Variants in CPED1 observed in about 807,000 individuals in gnomAD.
CPED1 encodes cadherin-like and PC-esterase domain-containing protein 1.
Under a neutral mutation model 128.2 loss-of-function variants are expected in CPED1, and 114 were observed. The observed-to-expected ratio is 0.89, with a 90% confidence interval of 0.76 to 1.04. The LOEUF (loss-of-function observed/expected upper bound fraction) is 1.04, where lower values mean the gene tolerates loss of function less well. Ranked by LOEUF, CPED1 falls within the 50% of genes least tolerant of loss-of-function variation. The pLI is 0.00. For synonymous variants in CPED1, 462 were observed against 426.7 expected, an observed-to-expected ratio of 1.08 and a Z score of -1.02; for missense variants, 1,211 against 1,207.1, an observed-to-expected ratio of 1.00 and a Z score of -0.05.
rs374493249 is a variant in CPED1, at chr7:121,142,151, G to T, written c.2055+10G>T. On this transcript the variant is annotated intron_variant, in intron 16 of 22. Coordinates refer to ENST00000310396, the MANE Select transcript of CPED1 (RefSeq NM_024913.5). ...ATGTGGTTTTGTGCAGGTAAGTGAA[G>T]TTTACATTTGCACTTGGGTTGAATT... 130 of 1,582,740 alleles carry T rather than the reference G, an allele frequency of 8.2e-5. No homozygotes were observed. The highest frequency in any genetic ancestry group is 1.1e-4 in the Non-Finnish European group (126 of 1,158,146).
At chr7:121,096,980 C>T (rs750560018) in intron 5 of CPED1, among the ~76,000 whole-genome samples, 14 of 152,048 alleles carry the variant, frequency 9.2e-5, no homozygotes, top group Non-Finnish European at 1.9e-4. Flanking sequence ...TGTGCTTATT[C>T]AGATCTTACA....
At chr7:121,173,372 G>C (rs369694759) in intron 16 of CPED1, among the ~76,000 whole-genome samples, 4 of 152,064 alleles carry the variant, frequency 2.6e-5, no homozygotes, top group South Asian at 4.2e-4. Context: ...CTTTGTACCC[G>C]ATAGTTATCT....
At chr7:121,192,552 C>T (rs1276921401) in intron 16 of CPED1, among the ~76,000 whole-genome samples, 1 of 151,994 alleles carries the variant, frequency 6.6e-6, no homozygotes. Context: ...CAGAGCTAAC[C>T]TTAAGTTATT....
chr7:121,284,434 G>A (rs1792523887), intron 22 of CPED1, among the ~76,000 whole-genome samples: 1 of 152,060 alleles, frequency 6.6e-6, no homozygotes, highest in Admixed American at 6.5e-5. Flanking sequence ...GTCCCCCAAA[G>A]TCTTAGCTAA....
At chr7:121,103,190 C>T (rs1794895862) in intron 7 of CPED1, among the ~76,000 whole-genome samples, 1 of 152,002 alleles carries the variant, frequency 6.6e-6, no homozygotes, top group Admixed American at 6.6e-5. Context: ...TTTGTCTTTT[C>T]TGTGAGACAG....
intron 4 of CPED1, among the ~76,000 whole-genome samples, chr7:121,063,381 G>GAAAAA (rs368502123): frequency 0.07 from 4,648 of 66,832 alleles, 501 homozygotes; most frequent in African/African-American, 0.081. Context: ...TGAAGAAACT[G>GAAAAA]AAAAAAAAAA....
chr7:121,142,209 C>A, intron 16 of CPED1, 68 bp downstream of exon 16: 1 of 1,341,306 alleles, frequency 7.5e-7, no homozygotes, highest in Non-Finnish European at 1.0e-6. Context: ...CGGAAAATGC[C>A]AAATGAAAAT....
chr7:121,097,708 T>A lies in CPED1; in HGVS notation c.626T>A (p.Leu209His). 6.2e-7 allele frequency: 1 copy of A among 1,613,594 alleles called. No homozygotes were observed. The highest frequency in any genetic ancestry group is 8.5e-7 in the Non-Finnish European group (1 of 1,179,688). Reference sequence around the variant, plus strand: ...TCTTGAATCTTTTCAGAACTGCAACTTCCAGTGAGTCCCTCTGTGTGTCTG... The same window carrying A: ...TCTTGAATCTTTTCAGAACTGCAACATCCAGTGAGTCCCTCTGTGTGTCTG... Reference protein sequence around the residue: ...QIVRRFPELQLPVSPSVCLDQ... With the variant: ...QIVRRFPELQHPVSPSVCLDQ... Residue 209 changes from leucine (L) to histidine (H), a missense_variant, in exon 6 of 23, where the codon CTT becomes CAT. By Grantham distance (99) the Leu-to-His change is moderately conservative. Transcript: ENST00000310396.
intron 7 of CPED1, among the ~76,000 whole-genome samples, chr7:121,123,872 A>AG (rs1795443075): frequency 1.3e-5 from 2 of 152,210 alleles, no homozygotes; most frequent in African/African-American, 2.4e-5. Context: ...ATAATAAAAA[A>AG]CTAACATTTG....
chr7:121,202,599 G>A (rs1253673750), intron 16 of CPED1, among the ~76,000 whole-genome samples: 2 of 152,030 alleles, frequency 1.3e-5, no homozygotes, highest in Non-Finnish European at 2.9e-5. Flanking sequence ...AACACATTCT[G>A]ACTTATTATC....
chr7:121,103,997 C>T (rs987756748), intron 7 of CPED1, among the ~76,000 whole-genome samples: 1 of 151,850 alleles, frequency 6.6e-6, no homozygotes, highest in African/African-American at 2.4e-5. Context: ...TTTTTAATGC[C>T]CTTCTACATA....
intron 16 of CPED1, among the ~76,000 whole-genome samples, chr7:121,199,697 A>AAAAAAAG (rs1797350348): frequency 2.4e-5 from 1 of 41,756 alleles, no homozygotes; most frequent in African/African-American, 9.5e-5. Context: ...AAAAAAAAAA[A>AAAAAAAG]AAAGAAAGAA....
chr7:121,027,061 G>A (rs888703028), intron 3 of CPED1, among the ~76,000 whole-genome samples: 3 of 149,284 alleles, frequency 2.0e-5, no homozygotes, highest in Non-Finnish European at 4.4e-5. Context: ...GACTGGTGTC[G>A]AACTACTGGG....
chr7:121,256,141 A>AAAAAAAAAAAAAAAAAC (rs1791866950), intron 18 of CPED1, among the ~76,000 whole-genome samples: 1 of 143,494 alleles, frequency 7.0e-6, no homozygotes, highest in African/African-American at 2.6e-5. Flanking sequence ...AAAAAAAAAA[A>AAAAAAAAAAAAAAAAAC]CAAAGCTTAT....
chr7:121,276,082 A>G (rs1397721050), intron 22 of CPED1, among the ~76,000 whole-genome samples: 1 of 152,100 alleles, frequency 6.6e-6, no homozygotes, highest in African/African-American at 2.4e-5. Flanking sequence ...AATTCAATAG[A>G]TATTTTTGAG....
intron 5 of CPED1, 95 bp downstream of exon 5, chr7:121,064,408 G>A (rs1313653329): frequency 4.9e-6 from 4 of 813,782 alleles, no homozygotes; most frequent in African/African-American, 3.4e-5. Flanking sequence ...AGCATCTGTT[G>A]CTACTTTGTC....
At chr7:121,159,163 A>G (rs1796356402) in intron 16 of CPED1, among the ~76,000 whole-genome samples, 1 of 152,182 alleles carries the variant, frequency 6.6e-6, no homozygotes, top group Non-Finnish European at 1.5e-5. Context: ...AATATATTCG[A>G]CTTCAAAAGT....
intron 18 of CPED1, chr7:121,261,721 C>A: frequency 6.2e-7 from 1 of 1,600,438 alleles, no homozygotes; most frequent in Non-Finnish European, 8.5e-7. Context: ...CCCTGCCCCA[C>A]CCCTGCACAT....
At chr7:121,191,650 A>G (rs371296274) in intron 16 of CPED1, among the ~76,000 whole-genome samples, 1 of 152,132 alleles carries the variant, frequency 6.6e-6, no homozygotes, top group Non-Finnish European at 1.5e-5. Context: ...TATTGGTTGC[A>G]TGCCTCTGTG....
Sources: gnomAD v4.1 joint callset for allele counts (sites outside exome capture counted in the v4.1 genomes callset) on GRCh38, gnomAD v4.1.1 for gene constraint, MANE v1.5 for transcripts, NCBI Gene and HGNC (gene_info 2026-07-23, HGNC 2026-07-21) for gene names.